IFNG: variants seen among roughly 807,000 people sequenced by gnomAD.
The protein encoded by IFNG is IFN-gamma.
In IFNG, 8 loss-of-function variants were observed where a neutral mutation model predicts 14.4. The ratio of observed to expected loss-of-function variants is 0.56; its 90% CI spans 0.33 to 1.00. The LOEUF is 1.00. Ranked by LOEUF, IFNG falls within the 50% of genes least tolerant of loss-of-function variation. The pLI, the probability that IFNG is intolerant of heterozygous loss-of-function variation, is 0.03. For synonymous variants in IFNG, 73 were observed against 65.4 expected (o/e 1.12, Z -0.56); for missense variants, 132 against 194.9 (o/e 0.68, Z 1.92).
At chr12:68,159,224 C>T (rs1882649432) in intron 1 of IFNG, among the ~76,000 whole-genome samples, 1 of 152,100 alleles carries the variant, frequency 6.6e-6, no homozygotes, top group African/African-American at 2.4e-5. Flanking sequence ...GAGTTCCCAC[C>T]ACAAAATTAT....
chr12:68,155,525 T>A, intron 3 of IFNG, 38 bp from the exon 4 acceptor site: 1 of 1,563,022 alleles, frequency 6.4e-7, no homozygotes, highest in Non-Finnish European at 8.7e-7. Flanking sequence ...ATTTCAGGCA[T>A]ATAAGCCATC....
intron 1 of IFNG, among the ~76,000 whole-genome samples, chr12:68,158,682 C>A (rs1219645996): frequency 1.3e-5 from 2 of 151,142 alleles, no homozygotes; most frequent in Middle Eastern, 3.2e-3. Flanking sequence ...TATTATTATA[C>A]GAGCTTTAAA....
intron 3 of IFNG, 104 bp downstream of exon 3, chr12:68,157,809 A>G: frequency 7.1e-6 from 6 of 848,582 alleles, no homozygotes; most frequent in Non-Finnish European, 9.2e-6. Context: ...AGTTGAGTTC[A>G]TAGCTTTAGC....
Position 68,159,509 on chromosome 12 carries a change from T to A in IFNG, c.107A>T (p.Lys36Ile). The change falls in exon 1 of 4, where the codon AAA becomes ATA. Residue 36 changes from lysine (K) to isoleucine (I), a missense_variant. By Grantham distance (102) the Lys-to-Ile change is moderately radical. Transcript: ENST00000229135. Reference protein sequence around the residue: ...PYVKEAENLKKYFNAGHSDVA... With the variant: ...PYVKEAENLKIYFNAGHSDVA... ...TTAAAAAGTCATACTTACAAAATAT[T>A]TCTTAAGGTTTTCTGCTTCTTTTAC... 1 of 1,541,118 alleles carries A rather than the reference T, an allele frequency of 6.5e-7. No individual in the cohort carries two copies.
intron 3 of IFNG, 86 bp downstream of exon 3, chr12:68,157,827 A>T: frequency 2.1e-6 from 2 of 966,546 alleles, no homozygotes; most frequent in Non-Finnish European, 1.6e-6. Flanking sequence ...AGCAACTGTT[A>T]AATAGCTAAT....
At position 68,157,894 on chromosome 12, in the gene IFNG, A is replaced by C. The variant is rs1882624830; in HGVS notation, c.366+19T>G. The C allele has an allele frequency of 6.4e-7, 1 of 1,558,044 alleles. No individual in the cohort carries two copies. The highest frequency in any genetic ancestry group is 1.2e-5 in the South Asian group (1 of 83,994). On this transcript the variant is annotated intron_variant, in intron 3 of 3. Coordinates refer to ENST00000229135, the MANE Select transcript of IFNG (RefSeq NM_000619.3). ...GACCCTCGGCAATGAAACCAAAGAA[A>C]GAATTTAAATAGCCTCACCGAATAA... is the stretch of plus-strand genomic sequence containing the variant.
chr12:68,154,806 T>C lies in IFNG; in HGVS notation c.*547A>G, dbSNP rs1882575250. On this transcript the variant is annotated 3_prime_UTR_variant, in exon 4 of 4. Transcript: ENST00000229135. ...ACACTTTATTCATATATATTAGATA[T>C]TGATAATTTTAACAAATGAGTTACT... The C allele has an allele frequency of 6.5e-6, 1 of 152,822 alleles. No homozygotes were observed. Among genetic ancestry groups the C allele is most frequent in the Admixed American group, 6.5e-5 (1 of 15,286 alleles). 9.5% of individuals were successfully genotyped at this position (152,822 alleles called of 1,614,324 possible).
chr12:68,155,142 A>G lies in IFNG; in HGVS notation c.*211T>C, dbSNP rs1012968298. 1 of 336,154 alleles carries G rather than the reference A, an allele frequency of 3.0e-6. No homozygotes were observed. Among genetic ancestry groups the G allele is most frequent in the Non-Finnish European group, 5.2e-6 (1 of 190,988 alleles). The allele number at this position is 336,154 out of a possible 1,614,324, so 20.8% of individuals were successfully genotyped here. On this transcript the variant is annotated 3_prime_UTR_variant, in exon 4 of 4. Coordinates refer to ENST00000229135, the MANE Select transcript of IFNG (RefSeq NM_000619.3). The stretch of plus-strand genomic sequence containing the variant: ...ATCACATAGCCTTGCCTAATTAGTC[A>G]GAAAACAAAGGATTAAGTGAGACAG...
chr12:68,157,067 G>A (rs541542340), intron 3 of IFNG, among the ~76,000 whole-genome samples: 9 of 152,166 alleles, frequency 5.9e-5, no homozygotes, highest in Non-Finnish European at 7.4e-5. Context: ...ATGCCTCAAC[G>A]TTATCTTTCT....
Position 68,159,600 on chromosome 12 carries a change from A to C in IFNG, c.16T>G (p.Tyr6Asp). The change falls in exon 1 of 4, where the codon TAT (tyrosine) becomes GAT (aspartate). Residue 6 changes from tyrosine (Y) to aspartate (D), a missense_variant. Coordinates refer to ENST00000229135, the MANE Select transcript of IFNG (RefSeq NM_000619.3). ...ATGCAGAGCTGAAAAGCCAAGATATAACTTGTATATTTCATCGTTTCCGAG... is the reference window on the plus strand; with the variant it reads ...ATGCAGAGCTGAAAAGCCAAGATATCACTTGTATATTTCATCGTTTCCGAG... Reference protein sequence around the residue: MKYTSYILAFQLCIVL... With the variant: MKYTSDILAFQLCIVL... 1.3e-6 allele frequency: 2 copies of C among 1,590,536 alleles called. No homozygotes were observed. The highest frequency in any genetic ancestry group is 1.7e-6 in the Non-Finnish European group (2 of 1,161,210).
rs1882657956 is a variant in IFNG at position 68,159,678 on chromosome 12, G to T, written c.-63C>A. 1 of 799,624 alleles carries T rather than the reference G, an allele frequency of 1.3e-6. No individual in the cohort carries two copies. The allele number at this position is 799,624 out of a possible 1,614,324, so 49.5% of individuals were successfully genotyped here. A position where few individuals can be genotyped will look rare whatever the true frequency, so the allele number is the denominator to read the frequency against. ...GTAGTTCTTGTATCAAGCTGATCAG[G>T]TCCAAAGGACTTAACTGATCTTTCT... On this transcript the variant is annotated 5_prime_UTR_variant, in exon 1 of 4. Coordinates refer to ENST00000229135, the MANE Select transcript of IFNG (RefSeq NM_000619.3).
In IFNG at chr12:68,158,098, T is replaced by C. The variant is rs751710650; in HGVS notation, c.184-3A>G. 5.6e-6 allele frequency: 9 copies of C among 1,597,890 alleles called. No homozygotes were observed. The African/African-American group carries it at 1.1e-4, about 19-fold the overall frequency. Reference sequence around the variant, plus strand: ...TGCATTATTTTTCTGTCACTCTCCTTGGAAGGAAAGAGCACAAACAGAGGA... The same window carrying C: ...TGCATTATTTTTCTGTCACTCTCCTCGGAAGGAAAGAGCACAAACAGAGGA... On this transcript the variant is annotated splice_region_variant and splice_polypyrimidine_tract_variant and intron_variant, in intron 2 of 3. Coordinates refer to ENST00000229135, the MANE Select transcript of IFNG (RefSeq NM_000619.3).
intron 3 of IFNG, among the ~76,000 whole-genome samples, chr12:68,157,278 T>C (rs1470480828): frequency 1.3e-5 from 2 of 152,220 alleles, no homozygotes; most frequent in South Asian, 2.1e-4. Flanking sequence ...TACAATCTGA[T>C]AGGTTGGCTA....
At chr12:68,156,695 T>C (rs1256907063) in intron 3 of IFNG, among the ~76,000 whole-genome samples, 1 of 152,116 alleles carries the variant, frequency 6.6e-6, no homozygotes, top group African/African-American at 2.4e-5. Flanking sequence ...AAGCTGTGTG[T>C]TTGCAAGTGA....
In IFNG at chr12:68,159,630, T is replaced by A. The variant is rs1161900721; in HGVS notation, c.-15A>T. On this transcript the variant is annotated 5_prime_UTR_variant, in exon 1 of 4. Transcript: ENST00000229135. Reference sequence around the variant, plus strand: ...GTATATTTCATCGTTTCCGAGAGAATTAAGCCAAAGAAGTTGAAATCAGTA... The same window carrying A: ...GTATATTTCATCGTTTCCGAGAGAAATAAGCCAAAGAAGTTGAAATCAGTA... The A allele has an allele frequency of 2.1e-6, 3 of 1,424,112 alleles. No individual in the cohort carries two copies. The highest frequency in any genetic ancestry group is 2.8e-5 in the African/African-American group (2 of 71,242). The allele number at this position is 1,424,112 out of a possible 1,614,324, so 88.2% of individuals were successfully genotyped here. A position where few individuals can be genotyped will look rare whatever the true frequency, so the allele number is the denominator to read the frequency against.
At chr12:68,156,690 G>C (rs566533919) in intron 3 of IFNG, among the ~76,000 whole-genome samples, 25 of 152,188 alleles carry the variant, frequency 1.6e-4, no homozygotes, top group African/African-American at 5.8e-4. Flanking sequence ...TCGACAAGCT[G>C]TGTGTTTGCA....
chr12:68,158,970 G>C (rs940046793), intron 1 of IFNG, among the ~76,000 whole-genome samples: 1 of 152,094 alleles, frequency 6.6e-6, no homozygotes, highest in Non-Finnish European at 1.5e-5. Flanking sequence ...AGTGAGCAAC[G>C]AAGTTCCGGA....
chr12:68,158,779 G>T (rs189326769), intron 1 of IFNG, among the ~76,000 whole-genome samples: 2 of 152,000 alleles, frequency 1.3e-5, no homozygotes, highest in Admixed American at 1.3e-4. Flanking sequence ...AATCAATTGT[G>T]AATGTCTGAA....
chr12:68,157,194 C>A (rs527856952), intron 3 of IFNG, among the ~76,000 whole-genome samples: 17 of 152,260 alleles, frequency 1.1e-4, no homozygotes, highest in East Asian at 7.7e-4. Context: ...ACAATCTTTT[C>A]ATAAGGTATA....
Sources: gnomAD v4.1 joint callset for allele counts (sites outside exome capture counted in the v4.1 genomes callset) on GRCh38, gnomAD v4.1.1 for gene constraint, MANE v1.5 for transcripts, NCBI Gene and HGNC (gene_info 2026-07-23, HGNC 2026-07-21) for gene names.